SGCZ: variants seen among roughly 807,000 people sequenced by gnomAD.
SGCZ encodes zeta-sarcoglycan.
SGCZ carries 40 observed loss-of-function variants against 41.3 expected under a neutral mutation model. That is an observed-to-expected ratio of 0.97 (90% CI 0.75 to 1.26). SGCZ has a LOEUF of 1.26. Ranked by LOEUF, SGCZ falls within the 50% of genes most tolerant of loss-of-function variation. SGCZ has a pLI of 0.00. For synonymous variants in SGCZ, 206 were observed against 137.5 expected, an observed-to-expected ratio of 1.50 and a Z score of -3.49; for missense variants, 552 against 369.8, an observed-to-expected ratio of 1.49 and a Z score of -4.04.
intron 1 of SGCZ, among the ~76,000 whole-genome samples, chr8:15,193,047 C>G (rs1331260796): frequency 6.6e-6 from 1 of 151,982 alleles, no homozygotes; most frequent in Non-Finnish European, 1.5e-5. Flanking sequence ...TTGGTGAATA[C>G]TGGTAGTGGA....
chr8:14,236,858 T>G (rs547966171), intron 4 of SGCZ, among the ~76,000 whole-genome samples: 51 of 151,842 alleles, frequency 3.4e-4, no homozygotes, highest in African/African-American at 1.2e-3. Context: ...AATCTTGTAT[T>G]TTGATATAAA....
chr8:15,036,914 C>T (rs1021448403), intron 1 of SGCZ, among the ~76,000 whole-genome samples: 10 of 151,810 alleles, frequency 6.6e-5, no homozygotes, highest in African/African-American at 9.7e-5. Flanking sequence ...AGGGTTTATC[C>T]GAGGAATAAA....
At chr8:14,219,203 A>C (rs983771579) in intron 4 of SGCZ, among the ~76,000 whole-genome samples, 1 of 152,182 alleles carries the variant, frequency 6.6e-6, no homozygotes, top group South Asian at 2.1e-4. Flanking sequence ...GACCAAGAAG[A>C]AGCTCCAAAG....
chr8:14,602,220 T>C (rs1351066877), intron 1 of SGCZ, among the ~76,000 whole-genome samples: 1 of 152,204 alleles, frequency 6.6e-6, no homozygotes, highest in African/African-American at 2.4e-5. Flanking sequence ...TATCCCTAGG[T>C]CATACAGCTG....
In SGCZ at chr8:14,226,158, G is replaced by A. The variant is rs555212000; in HGVS notation, c.424+11434C>T. Reference sequence around the variant, plus strand: ...AAGTGCAGTATTTCCTTACATAGTTGCATGAAGAAAATATTAGTATTCAGA... The same window carrying A: ...AAGTGCAGTATTTCCTTACATAGTTACATGAAGAAAATATTAGTATTCAGA... On this transcript the variant is annotated intron_variant, in intron 4 of 7. Transcript: ENST00000382080. 2.0e-5 allele frequency among the ~76,000 whole-genome samples: 3 copies of A among 152,052 alleles called. No homozygotes were observed. In the South Asian group the frequency reaches 6.2e-4, roughly 32 times the overall value.
At chr8:14,957,014 A>G (rs1585411636) in intron 1 of SGCZ, among the ~76,000 whole-genome samples, 1 of 152,112 alleles carries the variant, frequency 6.6e-6, no homozygotes, top group African/African-American at 2.4e-5. Flanking sequence ...CATGTGCCCT[A>G]GCACGATAGA....
At chr8:15,014,033 A>T (rs7817470) in intron 1 of SGCZ, among the ~76,000 whole-genome samples, 2 of 152,068 alleles carry the variant, frequency 1.3e-5, no homozygotes, top group African/African-American at 2.4e-5. Context: ...AAATCCACTC[A>T]GTTTATCAGG....
chr8:14,566,012 A>G (rs1284930597), intron 1 of SGCZ, among the ~76,000 whole-genome samples: 3 of 152,196 alleles, frequency 2.0e-5, no homozygotes, highest in Non-Finnish European at 4.4e-5. Context: ...AATCTATGGG[A>G]AATTCGTTCT....
intron 1 of SGCZ, among the ~76,000 whole-genome samples, chr8:15,159,789 C>G (rs166534): frequency 0.85 from 101,024 of 118,292 alleles, 43,170 homozygotes; most frequent in Non-Finnish European, 0.88. Flanking sequence ...TCTGAATCAG[C>G]TTAATGGCAG....
At position 15,012,461 on chromosome 8, in the gene SGCZ, T is replaced by C. The variant is rs930162953; in HGVS notation, c.39+225124A>G. Among the ~76,000 whole-genome samples, 8 of 144,050 alleles carry C rather than the reference T, an allele frequency of 5.6e-5. 1 individual carries two copies. Among genetic ancestry groups the C allele is most frequent in the African/African-American group, 2.1e-4 (8 of 38,502 alleles). 94.5% of individuals were successfully genotyped at this position (144,050 alleles called of 152,430 possible). A position where few individuals can be genotyped will look rare whatever the true frequency, so the allele number is the denominator to read the frequency against. On this transcript the variant is annotated intron_variant, in intron 1 of 7. Transcript: ENST00000382080. ...CTGGGTGACACAGTAAGACTTTTTCTAAAAAATAAATATAAATATATATAT... is the reference window on the plus strand; with the variant it reads ...CTGGGTGACACAGTAAGACTTTTTCCAAAAAATAAATATAAATATATATAT...
intron 1 of SGCZ, among the ~76,000 whole-genome samples, chr8:15,012,631 T>C (rs1029566574): frequency 1.2e-4 from 12 of 99,014 alleles, no homozygotes; most frequent in Non-Finnish European, 2.0e-4. Flanking sequence ...ATATAATATA[T>C]AAACATATAA....
intron 1 of SGCZ, among the ~76,000 whole-genome samples, chr8:14,801,893 A>G (rs1157673349): frequency 6.6e-6 from 1 of 152,246 alleles, no homozygotes; most frequent in African/African-American, 2.4e-5. Context: ...TCCTAATGAG[A>G]AACTGACAAA....
intron 1 of SGCZ, among the ~76,000 whole-genome samples, chr8:14,958,794 A>T (rs28715428): frequency 0.067 from 10,264 of 152,178 alleles, 542 homozygotes; most frequent in African/African-American, 0.14. Context: ...AAACACACAG[A>T]TGTCTGCAAC....
intron 1 of SGCZ, among the ~76,000 whole-genome samples, chr8:14,797,260 T>C (rs1297109522): frequency 1.3e-5 from 2 of 152,062 alleles, no homozygotes; most frequent in Admixed American, 6.6e-5. Context: ...TTAGAAAAGT[T>C]TGGAACTTCC....
intron 1 of SGCZ, among the ~76,000 whole-genome samples, chr8:15,113,614 G>A (rs539162253): frequency 2.0e-5 from 3 of 152,098 alleles, no homozygotes; most frequent in Non-Finnish European, 1.5e-5. Context: ...AACTACCATC[G>A]TGAGGTATAA....
At chr8:14,728,966 T>A (rs1272971332) in intron 1 of SGCZ, among the ~76,000 whole-genome samples, 1 of 152,204 alleles carries the variant, frequency 6.6e-6, no homozygotes, top group Admixed American at 6.5e-5. Context: ...TCATGCGAAG[T>A]CAATGCCCCT....
intron 1 of SGCZ, among the ~76,000 whole-genome samples, chr8:14,974,256 A>T (rs1801393325): frequency 6.6e-6 from 1 of 152,212 alleles, no homozygotes; most frequent in Non-Finnish European, 1.5e-5. Context: ...TTAAGTTCTT[A>T]TGTAAAACAG....
chr8:14,997,879 G>C (rs956168671), intron 1 of SGCZ, among the ~76,000 whole-genome samples: 46 of 152,088 alleles, frequency 3.0e-4, no homozygotes, highest in African/African-American at 1.1e-3. Flanking sequence ...AGAATTGCTT[G>C]AACCCGGGAG....
At chr8:14,248,098 G>A (rs1799168706) in intron 3 of SGCZ, among the ~76,000 whole-genome samples, 1 of 152,080 alleles carries the variant, frequency 6.6e-6, no homozygotes, top group Non-Finnish European at 1.5e-5. Flanking sequence ...TCTTTTTATG[G>A]ATCGAGGAAA....
Sources: gnomAD v4.1 joint callset for allele counts (sites outside exome capture counted in the v4.1 genomes callset) on GRCh38, gnomAD v4.1.1 for gene constraint, MANE v1.5 for transcripts, NCBI Gene and HGNC (gene_info 2026-07-23, HGNC 2026-07-21) for gene names.